CLDN20: variants seen among roughly 807,000 people sequenced by gnomAD.
CLDN20 encodes the protein claudin 20, also known as claudin-20.
For missense variants in CLDN20, 258 were observed against 267.9 expected, an observed-to-expected ratio of 0.96 and a Z score of 0.26; for synonymous variants, 104 against 103.6, an observed-to-expected ratio of 1.00 and a Z score of -0.03.
chr6:155,269,628 C>T (rs1347262525), intron 1 of CLDN20, among the ~76,000 whole-genome samples: 1 of 152,050 alleles, frequency 6.6e-6, no homozygotes, highest in Non-Finnish European at 1.5e-5. Flanking sequence ...GGCCAGTTTT[C>T]TTGTCTATAA....
rs1305732712 is a variant in CLDN20, at chr6:155,266,988, G to C, written c.-105+2700G>C. Among the ~76,000 whole-genome samples, 3 of 59,764 alleles carry C rather than the reference G, an allele frequency of 5.0e-5. No homozygotes were observed. The South Asian group carries it at 1.6e-3, about 32-fold the overall frequency. 39.2% of individuals were successfully genotyped at this position (59,764 alleles called of 152,430 possible). A position where few individuals can be genotyped will look rare whatever the true frequency, so the allele number is the denominator to read the frequency against. On this transcript the variant is annotated intron_variant, in intron 1 of 1. Coordinates refer to ENST00000367165, the MANE Select transcript of CLDN20 (RefSeq NM_001001346.3). ...TTGCTGCCTTTTTTTTTTTTTTTTT[G>C]AGACAGAGTCTCACTCTATCGCCCA... is the stretch of plus-strand genomic sequence containing the variant.
At chr6:155,269,823 A>G (rs906230801) in intron 1 of CLDN20, among the ~76,000 whole-genome samples, 3 of 152,226 alleles carry the variant, frequency 2.0e-5, no homozygotes, top group African/African-American at 7.2e-5. Flanking sequence ...TTAATCATTC[A>G]AGTGCAATTT....
At chr6:155,270,046 T>A (rs148263677) in intron 1 of CLDN20, among the ~76,000 whole-genome samples, 1 of 152,350 alleles carries the variant, frequency 6.6e-6, no homozygotes, top group Admixed American at 6.5e-5. Flanking sequence ...AGGTGGAAGG[T>A]TCTTGTTCTA....
intron 1 of CLDN20, among the ~76,000 whole-genome samples, chr6:155,275,268 T>C (rs1785128464): frequency 1.3e-5 from 2 of 152,204 alleles, no homozygotes; most frequent in African/African-American, 2.4e-5. Flanking sequence ...GAAAAACCTA[T>C]AATGCTATTA....
rs1785183852 is a variant in CLDN20, at chr6:155,275,979, CGT to C, written c.265_266del (p.Val89SerfsTer43). On this transcript the variant is annotated frameshift_variant, in exon 2 of 2. Coordinates refer to ENST00000367165, the MANE Select transcript of CLDN20 (RefSeq NM_001001346.3). LOFTEE classifies it low-confidence loss of function (END_TRUNC). ...GCTGCGAGAGCCACCATGGTCCTGG[CGT>C]GTGTTCTGTCTGCTTTGGGGATCTG... is the stretch of plus-strand genomic sequence containing the variant. 6.2e-7 allele frequency: 1 copy of C among 1,614,052 alleles called. No homozygotes were observed. Among genetic ancestry groups the C allele is most frequent in the Non-Finnish European group, 8.5e-7 (1 of 1,180,048 alleles).
intron 1 of CLDN20, 63 bp downstream of exon 1, chr6:155,264,351 G>A (rs1784525825): frequency 6.6e-6 from 1 of 152,164 alleles, no homozygotes; most frequent in Admixed American, 6.5e-5. Flanking sequence ...AATTATGCAT[G>A]TCATAGAAAA....
chr6:155,269,273 C>A (rs1270430454), intron 1 of CLDN20, among the ~76,000 whole-genome samples: 2 of 151,040 alleles, frequency 1.3e-5, no homozygotes, highest in Non-Finnish European at 2.9e-5. Flanking sequence ...CATTTTATGG[C>A]CTTAGTCAAA....
At chr6:155,264,658 TA>T (rs1411284168) in intron 1 of CLDN20, among the ~76,000 whole-genome samples, 1 of 152,140 alleles carries the variant, frequency 6.6e-6, no homozygotes, top group Non-Finnish European at 1.5e-5. Context: ...CTTGGGATCA[TA>T]AAAAAAGAAC....
At chr6:155,266,022 G>A (rs745912013) in intron 1 of CLDN20, among the ~76,000 whole-genome samples, 9 of 151,770 alleles carry the variant, frequency 5.9e-5, no homozygotes, top group Non-Finnish European at 7.4e-5. Context: ...TAGCTGAGCC[G>A]GCAGCTGATT....
Position 155,276,133 on chromosome 6 carries a change from G to T in CLDN20, c.414G>T (p.Trp138Cys). Residue 138 changes from tryptophan (W) to cysteine (C), a missense_variant, in exon 2 of 2, where the codon TGG becomes TGT. By Grantham distance (215) the Trp-to-Cys change is radical. Coordinates refer to ENST00000367165, the MANE Select transcript of CLDN20 (RefSeq NM_001001346.3). ...AGISSLISTV[W>C]YTKEIIANFL... ...TCTCTAGTTTAATCTCGACAGTGTG[G>T]TACACAAAGGAGATCATAGCAAACT... 6.2e-7 allele frequency: 1 copy of T among 1,614,118 alleles called. No individual in the cohort carries two copies. Among genetic ancestry groups the T allele is most frequent in the South Asian group, 1.1e-5 (1 of 91,080 alleles).
chr6:155,264,701 C>T (rs908501445), intron 1 of CLDN20, among the ~76,000 whole-genome samples: 4 of 152,108 alleles, frequency 2.6e-5, no homozygotes, highest in African/African-American at 9.7e-5. Flanking sequence ...TGTTTCCTCT[C>T]AGAGCAGATG....
chr6:155,269,658 G>T (rs2114694866), intron 1 of CLDN20, among the ~76,000 whole-genome samples: 1 of 152,194 alleles, frequency 6.6e-6, no homozygotes, highest in East Asian at 1.9e-4. Flanking sequence ...TATCTGCTAG[G>T]TTTGTCTTGA....
In CLDN20 at chr6:155,264,631, G is replaced by GT. The variant is rs777088910; in HGVS notation, c.-105+350dup. On this transcript the variant is annotated intron_variant, in intron 1 of 1. Transcript: ENST00000367165. ...CCCTTTTTTCTTCCTACAGATCTTT[G>GT]TTTTTTTCTCTTTCTTCTTGGGATC... is the stretch of plus-strand genomic sequence containing the variant. Among the ~76,000 whole-genome samples, 36 of 152,058 alleles carry GT rather than the reference G, an allele frequency of 2.4e-4. 1 individual carries two copies. Among genetic ancestry groups the GT allele is most frequent in the Admixed American group, 6.5e-4 (10 of 15,284 alleles).
At chr6:155,265,762 T>A (rs1784608770) in intron 1 of CLDN20, among the ~76,000 whole-genome samples, 1 of 145,256 alleles carries the variant, frequency 6.9e-6, no homozygotes, top group Admixed American at 6.9e-5. Context: ...AATATATATT[T>A]AATATATAAT....
intron 1 of CLDN20, among the ~76,000 whole-genome samples, chr6:155,272,787 A>C (rs1236917416): frequency 6.6e-6 from 1 of 152,224 alleles, no homozygotes; most frequent in African/African-American, 2.4e-5. Context: ...ATGACACGTC[A>C]TATTGTTTAC....
chr6:155,265,045 A>G (rs1395197393), intron 1 of CLDN20, among the ~76,000 whole-genome samples: 1 of 152,194 alleles, frequency 6.6e-6, no homozygotes, highest in African/African-American at 2.4e-5. Flanking sequence ...ACCTTCCTAA[A>G]ACTAGGCCTT....
At chr6:155,266,963 T>C (rs532891487) in intron 1 of CLDN20, among the ~76,000 whole-genome samples, 1 of 145,944 alleles carries the variant, frequency 6.9e-6, no homozygotes, top group African/African-American at 2.5e-5. Flanking sequence ...CTAGAATACT[T>C]TGCTGCCTTT....
intron 1 of CLDN20, among the ~76,000 whole-genome samples, chr6:155,269,269 A>G (rs1784811046): frequency 6.7e-6 from 1 of 149,090 alleles, no homozygotes; most frequent in Non-Finnish European, 1.5e-5. Context: ...TACTCATTTT[A>G]TGGCCTTAGT....
At chr6:155,268,512 A>C (rs193128855) in intron 1 of CLDN20, among the ~76,000 whole-genome samples, 1 of 152,330 alleles carries the variant, frequency 6.6e-6, no homozygotes, top group Non-Finnish European at 1.5e-5. Flanking sequence ...TACTCAGTTA[A>C]ATTACTGATT....
Sources: allele counts gnomAD v4.1 joint callset (sites outside exome capture counted in the v4.1 genomes callset), GRCh38; gene constraint gnomAD v4.1.1; transcripts MANE v1.5; gene names NCBI Gene and HGNC (gene_info 2026-07-23, HGNC 2026-07-21).